Variants in GRIP1 observed in about 807,000 individuals in gnomAD.
The protein encoded by GRIP1 is glutamate receptor interacting protein 1.
GRIP1 carries 45 observed loss-of-function variants against 129.9 expected under a neutral mutation model. That is an observed-to-expected ratio of 0.35 (90% CI 0.27 to 0.44). The LOEUF is 0.44. GRIP1 is among the 20% of genes least tolerant of loss of function. The pLI, the probability that GRIP1 is intolerant of heterozygous loss-of-function variation, is 1.00. For missense variants in GRIP1, 1,196 were observed against 1,396.8 expected (o/e 0.86, Z 2.29); for synonymous variants, 530 against 520.8 (o/e 1.02, Z -0.24).
intron 1 of GRIP1, among the ~76,000 whole-genome samples, chr12:66,779,361 G>A (rs1437486667): frequency 6.6e-6 from 1 of 151,986 alleles, no homozygotes; most frequent in East Asian, 1.9e-4. Flanking sequence ...AATGATTTTA[G>A]TTCTGTATTC....
chr12:66,860,712 C>T (rs961145571), intron 1 of GRIP1, among the ~76,000 whole-genome samples: 1 of 152,024 alleles, frequency 6.6e-6, no homozygotes, highest in South Asian at 2.1e-4. Flanking sequence ...GCATCTCAAA[C>T]TTTAATGTGA....
At chr12:66,397,130 AAAAAG>A (rs1565698191) in intron 16 of GRIP1, among the ~76,000 whole-genome samples, 3 of 151,286 alleles carry the variant, frequency 2.0e-5, no homozygotes, top group African/African-American at 7.3e-5. Context: ...AAAAAAAAAA[AAAAAG>A]AGAAAAGGGA....
chr12:66,969,053 T>C (rs1329617074), intron 1 of GRIP1, among the ~76,000 whole-genome samples: 1 of 152,166 alleles, frequency 6.6e-6, no homozygotes, highest in East Asian at 1.9e-4. Flanking sequence ...TTTTCTTCAC[T>C]TGCATAGTTT....
At chr12:66,856,074 A>C (rs1422459653) in intron 1 of GRIP1, among the ~76,000 whole-genome samples, 3 of 152,082 alleles carry the variant, frequency 2.0e-5, no homozygotes, top group Non-Finnish European at 4.4e-5. Context: ...TACTTAAATC[A>C]AAAGTGAAAC....
At chr12:66,535,343 A>G (rs1461269742) in intron 4 of GRIP1, among the ~76,000 whole-genome samples, 3 of 151,714 alleles carry the variant, frequency 2.0e-5, no homozygotes, top group African/African-American at 7.3e-5. Flanking sequence ...TTTCAAAGCA[A>G]ACTGACTCAT....
chr12:66,813,371 C>T (rs2039140491), intron 1 of GRIP1, among the ~76,000 whole-genome samples: 1 of 152,152 alleles, frequency 6.6e-6, no homozygotes, highest in South Asian at 2.1e-4. Flanking sequence ...ATCCAAGGAC[C>T]TCCACTAGGC....
At chr12:66,459,164 T>C (rs1476775189) in intron 9 of GRIP1, among the ~76,000 whole-genome samples, 1 of 152,220 alleles carries the variant, frequency 6.6e-6, no homozygotes, top group Non-Finnish European at 1.5e-5. Context: ...TAATGACTAA[T>C]ACATGAATGA....
chr12:66,562,894 G>A (rs2062590533), intron 2 of GRIP1, among the ~76,000 whole-genome samples: 1 of 123,878 alleles, frequency 8.1e-6, no homozygotes, highest in Non-Finnish European at 1.7e-5. Flanking sequence ...TATAATAAAA[G>A]AGAATGTTGT....
chr12:67,026,317 C>G lies in GRIP1; in HGVS notation c.58+42733G>C, dbSNP rs563263226. Among the ~76,000 whole-genome samples, 270 of 152,244 alleles carry G rather than the reference C, an allele frequency of 1.8e-3. 1 individual carries two copies. Among genetic ancestry groups the G allele is most frequent in the Non-Finnish European group, 3.1e-3 (212 of 68,006 alleles). On this transcript the variant is annotated intron_variant, in intron 1 of 1. Coordinates refer to the GRIP1 transcript ENST00000643019. ...AGCTGCTATAATTTTCCCCATAGTT[C>G]TCATATTCTACATTTTCAGCCTTTT...
At chr12:66,749,113 AC>A (rs1383793956) in intron 1 of GRIP1, among the ~76,000 whole-genome samples, 1 of 151,970 alleles carries the variant, frequency 6.6e-6, no homozygotes, top group African/African-American at 2.4e-5. Flanking sequence ...CTTTTATAGA[AC>A]CCCTGATTTT....
At chr12:66,385,397 G>A (rs908376556) in intron 19 of GRIP1, among the ~76,000 whole-genome samples, 4 of 151,744 alleles carry the variant, frequency 2.6e-5, no homozygotes, top group African/African-American at 4.8e-5. Context: ...TTAGCTGGGC[G>A]TGGTGGTGGG....
At chr12:66,623,535 G>A (rs2065364968) in intron 1 of GRIP1, among the ~76,000 whole-genome samples, 1 of 152,074 alleles carries the variant, frequency 6.6e-6, no homozygotes, top group African/African-American at 2.4e-5. Flanking sequence ...TCAAGTTCAT[G>A]GAATTTATAA....
intron 5 of GRIP1, among the ~76,000 whole-genome samples, chr12:66,523,564 G>A (rs1272972081): frequency 7.2e-5 from 11 of 151,792 alleles, no homozygotes; most frequent in Admixed American, 2.6e-4. Context: ...GGTACCAGCC[G>A]CTGCAAAAAC....
At chr12:67,029,169 C>T (rs192938127) in intron 1 of GRIP1, among the ~76,000 whole-genome samples, 82 of 152,162 alleles carry the variant, frequency 5.4e-4, no homozygotes, top group Admixed American at 3.9e-4. Context: ...TGGAGTGCAG[C>T]GGCACAATCT....
intron 7 of GRIP1, among the ~76,000 whole-genome samples, chr12:66,476,182 A>G (rs1175246223): frequency 6.6e-6 from 1 of 152,174 alleles, no homozygotes; most frequent in Non-Finnish European, 1.5e-5. Context: ...GATAAAGGGG[A>G]TATCACCACC....
intron 1 of GRIP1, among the ~76,000 whole-genome samples, chr12:66,872,083 C>G (rs2040305621): frequency 6.6e-6 from 1 of 152,030 alleles, no homozygotes; most frequent in Non-Finnish European, 1.5e-5. Context: ...CTTGATTTGG[C>G]TTCCTAACAG....
At chr12:66,351,178 C>A (rs202075102) in intron 24 of GRIP1, among the ~76,000 whole-genome samples, 2 of 152,310 alleles carry the variant, frequency 1.3e-5, no homozygotes, top group East Asian at 3.9e-4. Flanking sequence ...TCAGTGACAA[C>A]TTGCTTCAGC....
intron 1 of GRIP1, among the ~76,000 whole-genome samples, chr12:66,979,880 A>T (rs1021731328): frequency 6.6e-6 from 1 of 152,030 alleles, no homozygotes; most frequent in Non-Finnish European, 1.5e-5. Flanking sequence ...GCAAGGGAGG[A>T]CTCTGCTAAG....
intron 1 of GRIP1, among the ~76,000 whole-genome samples, chr12:67,003,336 A>G (rs1187490133): frequency 6.6e-6 from 1 of 152,182 alleles, no homozygotes; most frequent in Non-Finnish European, 1.5e-5. Context: ...TACTTTTCCA[A>G]TTAACTTCCT....
Sources: allele counts gnomAD v4.1 joint callset (sites outside exome capture counted in the v4.1 genomes callset), GRCh38; gene constraint gnomAD v4.1.1; transcripts MANE v1.5; gene names NCBI Gene and HGNC (gene_info 2026-07-23, HGNC 2026-07-21).